Variants in RNF144A observed in about 807,000 individuals in gnomAD.
RNF144A encodes the protein ring finger protein 144A, also known as E3 ubiquitin-protein ligase RNF144A.
In RNF144A, 11 loss-of-function variants were observed where a neutral mutation model predicts 38.7. The ratio of observed to expected loss-of-function variants is 0.28; its 90% CI spans 0.18 to 0.47. The LOEUF (loss-of-function observed/expected upper bound fraction) is 0.47, where lower values mean the gene tolerates loss of function less well. Among genes scored for constraint, RNF144A ranks in the 20% least tolerant of loss-of-function variants. RNF144A has a pLI of 0.99. For missense variants in RNF144A, 316 were observed against 377.2 expected (o/e 0.84, Z 1.34); for synonymous variants, 149 against 143.9 (o/e 1.04, Z -0.25).
Position 7,040,886 on chromosome 2 carries a change from A to T in RNF144A, c.*1126A>T. ...CCGTTTTGCTCTTGTTGGGGAAAAG[A>T]ACCTCCCATTTCACTTCGTTTTAAC... On this transcript the variant is annotated 3_prime_UTR_variant, in exon 9 of 9. Transcript: ENST00000320892. 1.0e-6 allele frequency: 1 copy of T among 985,480 alleles called. No homozygotes were observed. Among genetic ancestry groups the T allele is most frequent in the Non-Finnish European group, 1.2e-6 (1 of 829,948 alleles). The allele number at this position is 985,480 out of a possible 1,614,324, so 61.0% of individuals were successfully genotyped here.
intron 6 of RNF144A, among the ~76,000 whole-genome samples, chr2:7,060,901 T>C (rs999574903): frequency 1.3e-5 from 2 of 152,186 alleles, no homozygotes; most frequent in African/African-American, 4.8e-5. Context: ...CAAATACCTA[T>C]GTATTCCTTT....
At chr2:7,062,849 T>C (rs775991235) in intron 6 of RNF144A, 21 of 152,230 alleles carry the variant, frequency 1.4e-4, no homozygotes, top group Non-Finnish European at 2.8e-4. Context: ...ATTACAAATT[T>C]GATAGTTTCC....
rs1672961409 is a variant in RNF144A, at chr2:7,040,179, T to C, written c.*419T>C. 8 of 991,116 alleles carry C rather than the reference T, an allele frequency of 8.1e-6. No homozygotes were observed. Among genetic ancestry groups the C allele is most frequent in the Non-Finnish European group, 9.6e-6 (8 of 833,896 alleles). The allele number at this position is 991,116 out of a possible 1,614,324, so 61.4% of individuals were successfully genotyped here. A position where few individuals can be genotyped will look rare whatever the true frequency, so the allele number is the denominator to read the frequency against. On this transcript the variant is annotated 3_prime_UTR_variant, in exon 9 of 9. Coordinates refer to ENST00000320892, the MANE Select transcript of RNF144A (RefSeq NM_014746.6). Reference sequence around the variant, plus strand: ...TCAGACAGAATCTGATTATTCCAGCTTGAGAGAAGCACTCTGTTTATGACA... The same window carrying C: ...TCAGACAGAATCTGATTATTCCAGCCTGAGAGAAGCACTCTGTTTATGACA...
At chr2:6,928,576 C>A (rs567792586) in intron 1 of RNF144A, among the ~76,000 whole-genome samples, 6 of 152,326 alleles carry the variant, frequency 3.9e-5, no homozygotes, top group Non-Finnish European at 7.3e-5. Context: ...AGCTTCTAGC[C>A]CACGTACTGC....
intron 2 of RNF144A, among the ~76,000 whole-genome samples, chr2:6,976,340 C>T (rs1296561124): frequency 6.6e-6 from 1 of 152,128 alleles, no homozygotes; most frequent in African/African-American, 2.4e-5. Context: ...GAGTGAATTT[C>T]TCTTCTTATA....
At position 6,943,739 on chromosome 2, in the gene RNF144A, A is replaced by C. The variant is rs1484523306; in HGVS notation, c.-12+2592A>C. Among the ~76,000 whole-genome samples the C allele has an allele frequency of 1.3e-5, 2 of 152,078 alleles. No individual in the cohort carries two copies. The highest frequency in any genetic ancestry group is 2.9e-5 in the Non-Finnish European group (2 of 68,016). ...ATGCGTGGGTGGTGCTCGGAGGAGG[A>C]GGCTCTGCAGTTCTCTTCTGATTAC... On this transcript the variant is annotated intron_variant, in intron 2 of 8. Transcript: ENST00000320892. This position sits in a 1 kb window ranked among gnomAD's most constrained non-coding sequence, Gnocchi z 4.3.
At chr2:6,950,007 G>A (rs1572248842) in intron 2 of RNF144A, among the ~76,000 whole-genome samples, 1 of 151,904 alleles carries the variant, frequency 6.6e-6, no homozygotes, top group Admixed American at 6.6e-5. Flanking sequence ...AAAGATACCC[G>A]CTTTTTAGTC....
In RNF144A at chr2:7,043,867, A is replaced by T; in HGVS notation, c.*4107A>T. The T allele has an allele frequency of 1.0e-6, 1 of 985,858 alleles. No homozygotes were observed. Among genetic ancestry groups the T allele is most frequent in the South Asian group, 4.7e-5 (1 of 21,288 alleles). 61.1% of individuals were successfully genotyped at this position (985,858 alleles called of 1,614,324 possible). ...GGGTGTATTTTAATCTTGTATAAAA[A>T]TATGCATGAATGAGTCATGCACATG... On this transcript the variant is annotated 3_prime_UTR_variant, in exon 9 of 9. Coordinates refer to ENST00000320892, the MANE Select transcript of RNF144A (RefSeq NM_014746.6).
chr2:7,053,228 G>A (rs142228798), intron 6 of RNF144A, among the ~76,000 whole-genome samples: 60 of 152,302 alleles, frequency 3.9e-4, no homozygotes, highest in South Asian at 1.7e-3. Context: ...AGAATTAGTC[G>A]TAAATGTAGA....
chr2:7,043,877 A>G lies in RNF144A; in HGVS notation c.*4117A>G, dbSNP rs971291170. ...TAATCTTGTATAAAAATATGCATGA[A>G]TGAGTCATGCACATGTATACGTTAT... On this transcript the variant is annotated 3_prime_UTR_variant, in exon 9 of 9. Coordinates refer to ENST00000320892, the MANE Select transcript of RNF144A (RefSeq NM_014746.6). 4.5e-5 allele frequency: 44 copies of G among 984,246 alleles called. No homozygotes were observed. Among genetic ancestry groups the G allele is most frequent in the Non-Finnish European group, 5.1e-5 (42 of 828,584 alleles). The allele number at this position is 984,246 out of a possible 1,614,324, so 61.0% of individuals were successfully genotyped here.
intron 2 of RNF144A, among the ~76,000 whole-genome samples, chr2:6,964,073 C>CA (rs1667502198): frequency 6.6e-6 from 1 of 151,494 alleles, no homozygotes; most frequent in Non-Finnish European, 1.5e-5. Flanking sequence ...GAAAAAAAAA[C>CA]AAAAAACAGA....
chr2:7,016,104 TAAAAAAAAAAA>T (rs35418947), intron 5 of RNF144A, among the ~76,000 whole-genome samples: 1 of 115,142 alleles, frequency 8.7e-6, no homozygotes, highest in Non-Finnish European at 1.8e-5. Context: ...ACCCCGTCTC[TAAAAAAAAAAA>T]AAAAAAAGAA....
chr2:7,052,490 C>T (rs1294230567), intron 6 of RNF144A, among the ~76,000 whole-genome samples: 1 of 152,202 alleles, frequency 6.6e-6, no homozygotes, highest in Non-Finnish European at 1.5e-5. Flanking sequence ...GTTCTCTCCA[C>T]TGAATCATTG....
intron 2 of RNF144A, among the ~76,000 whole-genome samples, chr2:6,983,064 A>C (rs1218449278): frequency 6.6e-6 from 1 of 152,186 alleles, no homozygotes; most frequent in Non-Finnish European, 1.5e-5. Context: ...AGGTCCGTGA[A>C]TAACTCGTGT....
intron 3 of RNF144A, among the ~76,000 whole-genome samples, chr2:7,003,700 ACTGTAACTGG>A (rs1371577366): frequency 6.6e-6 from 1 of 152,214 alleles, no homozygotes; most frequent in African/African-American, 2.4e-5. Flanking sequence ...ACAACTCATG[ACTGTAACTGG>A]CAAGGACTAG....
chr2:7,070,156 TTCTC>T (rs143933026), downstream of RNF144A, among the ~76,000 whole-genome samples: 3 of 151,404 alleles, frequency 2.0e-5, no homozygotes, highest in Non-Finnish European at 4.4e-5. Flanking sequence ...GGAGCTTTTC[TTCTC>T]TCTCTCTCTT....
chr2:6,978,164 T>C (rs1450363642), intron 2 of RNF144A, among the ~76,000 whole-genome samples: 6 of 151,208 alleles, frequency 4.0e-5, no homozygotes, highest in Admixed American at 6.6e-5. Context: ...GGACGTGGAC[T>C]TCTTTCTGGA....
rs539244831 is a variant in RNF144A, at chr2:6,951,692, A to G, written c.-12+10545A>G. 9.9e-5 allele frequency among the ~76,000 whole-genome samples: 15 copies of G among 152,284 alleles called. No individual in the cohort carries two copies. The South Asian group carries it at 2.5e-3, about 25-fold the overall frequency. ...CTTATCTTTTGTTGAATGTGCTCCT[A>G]GTACCTTAGTTTCTTTTATACCCTT... is the stretch of plus-strand genomic sequence containing the variant. On this transcript the variant is annotated intron_variant, in intron 2 of 8. Transcript: ENST00000320892.
At chr2:7,037,495 G>A (rs999437508) in intron 8 of RNF144A, among the ~76,000 whole-genome samples, 8 of 152,200 alleles carry the variant, frequency 5.3e-5, no homozygotes, top group African/African-American at 1.9e-4. Context: ...CAGCGTGCAC[G>A]TGATTTCAGT....
Sources: allele counts gnomAD v4.1 joint callset (sites outside exome capture counted in the v4.1 genomes callset), GRCh38; gene constraint gnomAD v4.1.1; non-coding constraint Gnocchi (gnomAD v3.1); transcripts MANE v1.5; gene names NCBI Gene and HGNC (gene_info 2026-07-23, HGNC 2026-07-21).